Variants in TNNI3K observed in about 807,000 individuals in gnomAD.
The protein encoded by TNNI3K is TNNI3 interacting kinase.
A neutral mutation model predicts 114.5 loss-of-function variants in TNNI3K; 140 were observed. The ratio of observed to expected loss-of-function variants is 1.22; its 90% CI spans 1.07 to 1.41. The LOEUF (loss-of-function observed/expected upper bound fraction) is 1.41, where lower values mean the gene tolerates loss of function less well. Among genes scored for constraint, TNNI3K ranks in the 40% most tolerant of loss-of-function variants. TNNI3K has a pLI of 0.00. For missense variants in TNNI3K, 1,125 were observed against 1,007.6 expected, an observed-to-expected ratio of 1.12 and a Z score of -1.58; for synonymous variants, 347 against 347.5, an observed-to-expected ratio of 1.00 and a Z score of 0.02.
At chr1:74,370,763 T>G (rs1662552647) in intron 17 of TNNI3K, 1 of 157,164 alleles carries the variant, frequency 6.4e-6, no homozygotes, top group South Asian at 2.0e-4. Flanking sequence ...GATATAAAAT[T>G]ATCTGAAACG....
chr1:74,406,831 T>C (rs1004672277), intron 17 of TNNI3K, among the ~76,000 whole-genome samples: 1 of 152,212 alleles, frequency 6.6e-6, no homozygotes, highest in African/African-American at 2.4e-5. Context: ...CATTTACTAT[T>C]ATCACTGCAG....
intron 7 of TNNI3K, among the ~76,000 whole-genome samples, chr1:74,336,472 G>C (rs1251101754): frequency 6.6e-6 from 1 of 151,668 alleles, no homozygotes; most frequent in East Asian, 1.9e-4. Context: ...CTAGCATTAA[G>C]TATATCTCCC....
chr1:74,318,031 G>A (rs1203577395), intron 5 of TNNI3K, among the ~76,000 whole-genome samples: 3 of 152,128 alleles, frequency 2.0e-5, no homozygotes, highest in African/African-American at 7.2e-5. Flanking sequence ...GTTTGCCTAG[G>A]TCTGTCTGAA....
At chr1:74,330,919 A>C (rs1660167060) in intron 5 of TNNI3K, among the ~76,000 whole-genome samples, 1 of 152,206 alleles carries the variant, frequency 6.6e-6, no homozygotes, top group Non-Finnish European at 1.5e-5. Flanking sequence ...TCTCTTTAGT[A>C]AGGATGGTAA....
At chr1:74,341,347 C>T (rs1326517253) in intron 7 of TNNI3K, among the ~76,000 whole-genome samples, 1 of 152,054 alleles carries the variant, frequency 6.6e-6, no homozygotes, top group Non-Finnish European at 1.5e-5. Flanking sequence ...TATTAAATGT[C>T]TAGTATGGGA....
intron 23 of TNNI3K, among the ~76,000 whole-genome samples, chr1:74,518,977 A>G (rs1366751531): frequency 1.9e-5 from 2 of 106,010 alleles, no homozygotes; most frequent in Non-Finnish European, 3.4e-5. Context: ...GGTGCGCTGC[A>G]CCCACTAATG....
chr1:74,337,121 T>C lies in TNNI3K; in HGVS notation c.682+972T>C, dbSNP rs574364914. Reference sequence around the variant, plus strand: ...GCCAGTGATGATGAGCATTTTTTCATGTGTTTTTTGGCTGCATAAATGTCT... The same window carrying C: ...GCCAGTGATGATGAGCATTTTTTCACGTGTTTTTTGGCTGCATAAATGTCT... On this transcript the variant is annotated intron_variant, in intron 7 of 24. Coordinates refer to ENST00000326637, the MANE Select transcript of TNNI3K (RefSeq NM_015978.3). Among the ~76,000 whole-genome samples the C allele has an allele frequency of 4.6e-5, 7 of 152,140 alleles. 1 individual carries two copies. In the South Asian group the frequency reaches 1.5e-3, roughly 32 times the overall value.
At chr1:74,383,562 A>T (rs780063914) in intron 17 of TNNI3K, among the ~76,000 whole-genome samples, 1 of 151,998 alleles carries the variant, frequency 6.6e-6, no homozygotes, top group Admixed American at 6.6e-5. Context: ...ACTCTTGCTT[A>T]TTTCAGGAGA....
chr1:74,374,906 G>A, intron 17 of TNNI3K: 1 of 151,928 alleles, frequency 6.6e-6, no homozygotes, highest in East Asian at 1.9e-4. Context: ...ACTAGAAGCT[G>A]TGTGTTTTTC....
intron 23 of TNNI3K, among the ~76,000 whole-genome samples, chr1:74,504,036 C>A (rs1252932140): frequency 6.6e-6 from 1 of 152,184 alleles, no homozygotes; most frequent in Non-Finnish European, 1.5e-5. Context: ...ACTATATTTA[C>A]ATAACACCTC....
chr1:74,540,461 A>T (rs1374898343), intron 24 of TNNI3K, 148 bp downstream of exon 24: 1 of 770,798 alleles, frequency 1.3e-6, no homozygotes, highest in Admixed American at 3.0e-5. Context: ...TTGATTTTAT[A>T]TGTCTTTTAT....
chr1:74,356,604 C>T (rs1661671476), intron 11 of TNNI3K, among the ~76,000 whole-genome samples: 2 of 152,200 alleles, frequency 1.3e-5, no homozygotes, highest in Admixed American at 1.3e-4. Flanking sequence ...TTCCGGAAGG[C>T]AGCTCAGAAA....
At chr1:74,256,125 A>G (rs1655280405) in intron 4 of TNNI3K, among the ~76,000 whole-genome samples, 1 of 152,072 alleles carries the variant, frequency 6.6e-6, no homozygotes, top group African/African-American at 2.4e-5. Context: ...GGAAATACCT[A>G]AAAGTGGAAT....
intron 5 of TNNI3K, among the ~76,000 whole-genome samples, chr1:74,279,987 C>G (rs1201750153): frequency 6.6e-6 from 1 of 152,120 alleles, no homozygotes; most frequent in Non-Finnish European, 1.5e-5. Flanking sequence ...CCTTAACGCC[C>G]CACAGGATAA....
At position 74,370,323 on chromosome 1, in the gene TNNI3K, T is replaced by C. The variant is rs201065422; in HGVS notation, c.1703T>C (p.Val568Ala). The change falls in exon 17 of 25, where the codon GTA becomes GCA. Residue 568 changes from valine to alanine, a missense_variant. Transcript: ENST00000326637. ...LDLQSKLIIA[V>A]DVAKGMEYLH... ...TTGCAGTCTAAATTAATTATTGCAG[T>C]AGATGTTGCCAAAGGCATGGAGTAC... 2.5e-6 allele frequency: 4 copies of C among 1,604,682 alleles called. No homozygotes were observed. The Admixed American group carries it at 5.1e-5, about 20-fold the overall frequency.
At chr1:74,430,165 G>A (rs1394284157) in intron 17 of TNNI3K, among the ~76,000 whole-genome samples, 1 of 152,086 alleles carries the variant, frequency 6.6e-6, no homozygotes, top group African/African-American at 2.4e-5. Context: ...AAGAAAATCA[G>A]AATTGGAAAG....
At position 74,334,483 on chromosome 1, in the gene TNNI3K, C is replaced by G. The variant is rs573144968; in HGVS notation, c.544-1528C>G. Among the ~76,000 whole-genome samples, 8 of 152,300 alleles carry G rather than the reference C, an allele frequency of 5.3e-5. 1 individual carries two copies. The South Asian group carries it at 1.7e-3, about 32-fold the overall frequency. On this transcript the variant is annotated intron_variant, in intron 6 of 24. Transcript: ENST00000326637. ...AACTGCTATTTTAAGGATTCAGAGGCATCCTAACTTAACCTTAGTATCACT... is the reference window on the plus strand; with the variant it reads ...AACTGCTATTTTAAGGATTCAGAGGGATCCTAACTTAACCTTAGTATCACT...
At chr1:74,336,913 A>C (rs539613637) in intron 7 of TNNI3K, among the ~76,000 whole-genome samples, 11 of 152,264 alleles carry the variant, frequency 7.2e-5, no homozygotes, top group Middle Eastern at 3.4e-3. Context: ...TAGATCCCTG[A>C]GGAATCGCCA....
intron 17 of TNNI3K, among the ~76,000 whole-genome samples, chr1:74,432,188 G>T (rs144809049): frequency 2.0e-5 from 3 of 152,082 alleles, no homozygotes; most frequent in Admixed American, 1.3e-4. Context: ...GGGCTAAGGC[G>T]CTAGCTCAAC....
Sources: allele counts gnomAD v4.1 joint callset (sites outside exome capture counted in the v4.1 genomes callset), GRCh38; gene constraint gnomAD v4.1.1; transcripts MANE v1.5; gene names NCBI Gene and HGNC (gene_info 2026-07-23, HGNC 2026-07-21).